The following STS variants were observed in gnomAD, a reference collection of about 807,000 sequenced individuals.
STS encodes the protein steryl-sulfatase.
STS carries 7 observed loss-of-function variants against 26.8 expected under a neutral mutation model. The ratio of observed to expected loss-of-function variants is 0.26; its 90% CI spans 0.15 to 0.49. The LOEUF (loss-of-function observed/expected upper bound fraction) is 0.49, where lower values mean the gene tolerates loss of function less well. Ranked by LOEUF, STS falls within the 20% of genes least tolerant of loss-of-function variation. The probability of loss-of-function intolerance (pLI) is 0.98; values close to 1 mark genes in which losing one functional copy is unlikely to be tolerated. For missense variants in STS, 434 were observed against 465.6 expected (o/e 0.93, Z 0.63); for synonymous variants, 199 against 189.4 (o/e 1.05, Z -0.42).
chrX:7,227,451 T>G lies in STS; in HGVS notation c.-4-25745T>G, dbSNP rs189120645. 3.7e-3 allele frequency among the ~76,000 whole-genome samples: 401 copies of G among 109,770 alleles called. 1 individual carries two copies. The highest frequency in any genetic ancestry group is 0.013 in the African/African-American group (385 of 30,343). On this transcript the variant is annotated intron_variant, in intron 2 of 10. Transcript: ENST00000674429. ...TATTAGCCTTGTTCAAATCGTTGTT[T>G]TTTTTTTTTTTTATAAAAGCAAGCT...
intron 9 of STS, among the ~76,000 whole-genome samples, chrX:7,333,308 A>G (rs1010895039): frequency 8.9e-6 from 1 of 112,330 alleles, no homozygotes; most frequent in African/African-American, 3.2e-5. Flanking sequence ...TCTTCAAACT[A>G]TAAGTAATCT....
At chrX:7,292,635 G>A (rs1393718278) in intron 7 of STS, among the ~76,000 whole-genome samples, 2 of 110,264 alleles carry the variant, frequency 1.8e-5, no homozygotes, top group African/African-American at 3.3e-5. Flanking sequence ...TAGTCTTGTC[G>A]TTCCTTACCA....
At position 7,311,875 on chromosome X, in the gene STS, A is replaced by T. The variant is rs144534403; in HGVS notation, c.1081+6692A>T. Reference sequence around the variant, plus strand: ...CTACAAAAAAACAGTTTAAAAAACAAAATTAACCAGGGGTGGTGGTACACA... The same window carrying T: ...CTACAAAAAAACAGTTTAAAAAACATAATTAACCAGGGGTGGTGGTACACA... On this transcript the variant is annotated intron_variant, in intron 8 of 10. Coordinates refer to ENST00000674429, the MANE Select transcript of STS (RefSeq NM_001320752.2). 5.8e-3 allele frequency among the ~76,000 whole-genome samples: 640 copies of T among 110,997 alleles called. 8 individuals carry two copies. The highest frequency in any genetic ancestry group is 0.02 in the African/African-American group (605 of 30,503).
At chrX:7,206,095 G>C (rs761231057) in intron 2 of STS, among the ~76,000 whole-genome samples, 8 of 111,627 alleles carry the variant, frequency 7.2e-5, no homozygotes, top group East Asian at 5.7e-4. Context: ...GCTTTGCTCT[G>C]GGTTTATATT....
Position 7,172,045 on chromosome X carries a change from G to A in STS, c.-133-18835G>A, listed in dbSNP as rs113806625. Among the ~76,000 whole-genome samples, 431 of 111,947 alleles carry A rather than the reference G, an allele frequency of 3.9e-3. 2 individuals carry two copies. The highest frequency in any genetic ancestry group is 0.013 in the African/African-American group (415 of 30,860). ...GGGAATATTCTCATCACCCAAGTGA[G>A]ATTCTTCAAGCCCACTGCTGTGAGT... is the stretch of plus-strand genomic sequence containing the variant. On this transcript the variant is annotated intron_variant, in intron 1 of 10. Coordinates refer to ENST00000674429, the MANE Select transcript of STS (RefSeq NM_001320752.2).
Position 7,276,063 on chromosome X carries a change from G to C in STS, c.919G>C (p.Val307Leu), listed in dbSNP as rs200004457. 95 of 1,205,464 alleles carry C rather than the reference G, an allele frequency of 7.9e-5. No homozygotes were observed. The East Asian group carries it at 1.9e-3, about 24-fold the overall frequency. The part of the protein sequence containing the change: ...KSQHGVYGDA[V>L]EEMDWSVGQI... ...TCAACACGGAGTCTACGGGGATGCT[G>C]TTGAGGAAATGGACTGGAGTGTGGG... is the stretch of plus-strand genomic sequence containing the variant. The change falls in exon 7 of 11, where the codon GTT becomes CTT. Residue 307 changes from valine to leucine, a missense_variant. Val to Leu is a conservative substitution (Grantham distance 32). This residue lies in a region of STS where 229 missense variants were observed against 288.3 expected (regional missense o/e 0.79). Transcript: ENST00000674429.
At position 7,353,392 on chromosome X, in the gene STS, A is replaced by T. The variant is rs1184593706; in HGVS notation, c.*3131A>T. ...AAATGAACATTGGGGATTGAAAATC[A>T]TATTGGTATTTGCACCAACATAGTC... On this transcript the variant is annotated 3_prime_UTR_variant, in exon 11 of 11. Transcript: ENST00000674429. 9.0e-6 allele frequency: 1 copy of T among 111,319 alleles called. No homozygotes were observed. Among genetic ancestry groups the T allele is most frequent in the African/African-American group, 3.3e-5 (1 of 30,677 alleles). 9.2% of individuals were successfully genotyped at this position (111,319 alleles called of 1,213,427 possible).
chrX:7,319,571 A>G (rs1399467420), intron 8 of STS, among the ~76,000 whole-genome samples: 1 of 110,050 alleles, frequency 9.1e-6, no homozygotes, highest in East Asian at 2.9e-4. Context: ...ATCCTCAGAC[A>G]TTGCCTTTCA....
intron 2 of STS, among the ~76,000 whole-genome samples, chrX:7,247,037 ATGTGTGTGTGTGTATGTG>A (rs1430639751): frequency 5.4e-5 from 6 of 111,617 alleles, no homozygotes; most frequent in Non-Finnish European, 1.1e-4. Context: ...TATAGCAAAT[ATGTGTGTGTGTGTATGTG>A]TGTGTGTGTG....
chrX:7,213,678 C>T, intron 2 of STS, among the ~76,000 whole-genome samples: 1 of 111,908 alleles, frequency 8.9e-6, no homozygotes, highest in African/African-American at 3.2e-5. Flanking sequence ...TCTCCAAGCT[C>T]AGGAAAGGAA....
At chrX:7,270,063 G>A (rs780760348) in intron 6 of STS, among the ~76,000 whole-genome samples, 1 of 112,117 alleles carries the variant, frequency 8.9e-6, no homozygotes, top group African/African-American at 3.2e-5. Flanking sequence ...AGATTGGAAT[G>A]ATTACATGTT....
At chrX:7,334,189 G>A in intron 10 of STS, 82 bp downstream of exon 10, 1 of 1,187,455 alleles carries the variant, frequency 8.4e-7, no homozygotes, top group Non-Finnish European at 1.1e-6. Flanking sequence ...GGGTAAAAAG[G>A]TGGCTCTGCT....
chrX:7,334,887 G>A (rs1173589846), intron 10 of STS, among the ~76,000 whole-genome samples: 3 of 112,248 alleles, frequency 2.7e-5, no homozygotes, highest in East Asian at 5.6e-4. Context: ...TTTTATAGTG[G>A]CATTTCCAAT....
rs1386516849 is a variant in STS, at chrX:7,276,106, A to G, written c.943+19A>G. The G allele has an allele frequency of 8.3e-7, 1 of 1,207,214 alleles. No individual in the cohort carries two copies. The highest frequency in any genetic ancestry group is 2.2e-5 in the Admixed American group (1 of 45,738). On this transcript the variant is annotated intron_variant, in intron 7 of 10. Transcript: ENST00000674429. ...AGTGTGGGTACGTTTCTCCTCAGTG[A>G]GTGCTTAGAAAGCTGCTAAGTCTTT...
Position 7,276,736 on chromosome X carries a change from C to T in STS, c.943+649C>T, listed in dbSNP as rs371403563. Among the ~76,000 whole-genome samples the T allele has an allele frequency of 1.0e-3, 113 of 112,164 alleles. 2 individuals carry two copies. In the South Asian group the frequency reaches 0.039, roughly 39 times the overall value. ...GGCGAGGCTCTCAGGGCAACAGTGA[C>T]GAGATCCTCGTGTTCTTCTTGCTGC... On this transcript the variant is annotated intron_variant, in intron 7 of 10. Coordinates refer to ENST00000674429, the MANE Select transcript of STS (RefSeq NM_001320752.2).
At chrX:7,219,518 T>A in intron 2 of STS, 1 of 1,163,403 alleles carries the variant, frequency 8.6e-7, no homozygotes, top group Non-Finnish European at 1.1e-6. Flanking sequence ...GTTGCAGTGA[T>A]TGAGTAGGAT....
chrX:7,192,872 C>T (rs185636318), intron 2 of STS, among the ~76,000 whole-genome samples: 20 of 112,279 alleles, frequency 1.8e-4, no homozygotes, highest in Middle Eastern at 9.2e-3. Flanking sequence ...CCAGGCGTGC[C>T]GCTAACCATC....
intron 8 of STS, among the ~76,000 whole-genome samples, chrX:7,323,669 C>T (rs1185247352): frequency 9.0e-6 from 1 of 111,676 alleles, no homozygotes; most frequent in Non-Finnish European, 1.9e-5. Flanking sequence ...GTGAATAGTG[C>T]AGCAATGAAC....
intron 7 of STS, among the ~76,000 whole-genome samples, chrX:7,303,291 C>A (rs1458134606): frequency 9.0e-6 from 1 of 111,438 alleles, no homozygotes; most frequent in Non-Finnish European, 1.9e-5. Context: ...GTCAATTAAA[C>A]CTCTTTTTAT....
Sources: gnomAD v4.1 joint callset for allele counts (sites outside exome capture counted in the v4.1 genomes callset) on GRCh38, gnomAD v4.1.1 for gene constraint, gnomAD v4.1.1 regional missense constraint, MANE v1.5 for transcripts, NCBI Gene and HGNC (gene_info 2026-07-23, HGNC 2026-07-21) for gene names.